The following SLC9A6 variants were observed in gnomAD, a reference collection of about 807,000 sequenced individuals.
SLC9A6 encodes solute carrier family 9 member A6.
Under a neutral mutation model 45.3 loss-of-function variants are expected in SLC9A6, and 6 were observed. The ratio of observed to expected loss-of-function variants is 0.13; its 90% confidence interval spans 0.07 to 0.26. The LOEUF is 0.26. SLC9A6 is among the 10% of genes least tolerant of loss of function. SLC9A6 has a pLI of 1.00. For missense variants in SLC9A6, 278 were observed against 503.7 expected (o/e 0.55, Z 4.29); for synonymous variants, 191 against 187.7 (o/e 1.02, Z -0.14).
At chrX:136,027,921 A>G (rs1224917761) in intron 13 of SLC9A6, among the ~76,000 whole-genome samples, 4 of 112,402 alleles carry the variant, frequency 3.6e-5, no homozygotes, top group Non-Finnish European at 7.5e-5. Context: ...ATAGTTTGTG[A>G]CAGTCACATT....
At chrX:135,993,514 G>T (rs1448044561) in intron 2 of SLC9A6, among the ~76,000 whole-genome samples, 1 of 112,042 alleles carries the variant, frequency 8.9e-6, no homozygotes, top group East Asian at 2.8e-4. Flanking sequence ...GGCTGGGCAT[G>T]GTGGCTCAGG....
rs1208224008 is a variant in SLC9A6 at position 135,997,950 on chromosome X, G to C, written c.370-158G>C. On this transcript the variant is annotated intron_variant, in intron 3 of 17. Transcript: ENST00000630721. ...CTCCTGGTCGTTTGGTTGAGAAGTA[G>C]AATAGAAACTATCCTATATGAAATA... Among the ~76,000 whole-genome samples the C allele has an allele frequency of 4.5e-5, 5 of 112,129 alleles. No homozygotes were observed. The South Asian group carries it at 1.9e-3, about 42-fold the overall frequency.
At chrX:135,999,072 AC>A in intron 6 of SLC9A6, 104 bp downstream of exon 6, 1 of 570,443 alleles carries the variant, frequency 1.8e-6, no homozygotes, top group Non-Finnish European at 3.1e-6. Context: ...ATGATTAGAT[AC>A]TTCCTTAGTA....
intron 16 of SLC9A6, among the ~76,000 whole-genome samples, chrX:136,039,173 T>C (rs1389972601): frequency 1.8e-5 from 2 of 108,987 alleles, no homozygotes; most frequent in African/African-American, 6.7e-5. Context: ...AGACCAGCCC[T>C]AGCAACATAG....
intron 16 of SLC9A6, among the ~76,000 whole-genome samples, chrX:136,039,185 G>A (rs190935849): frequency 5.3e-4 from 58 of 108,802 alleles, no homozygotes; most frequent in Admixed American, 1.6e-3. Flanking sequence ...GCAACATAGC[G>A]AGACCCTGTC....
rs1056859396 is a variant in SLC9A6 at position 136,046,932 on chromosome X, A to G, written c.*2208A>G. 1.8e-5 allele frequency: 2 copies of G among 112,748 alleles called. No homozygotes were observed. Among genetic ancestry groups the G allele is most frequent in the African/African-American group, 3.2e-5 (1 of 30,979 alleles). The allele number at this position is 112,748 out of a possible 1,213,427, so 9.3% of individuals were successfully genotyped here. A position where few individuals can be genotyped will look rare whatever the true frequency, so the allele number is the denominator to read the frequency against. ...GAACCTACGCGTTTGAATGGCTTGAACGTTGCATCTTTTAAAGTTATTTTT... is the reference window on the plus strand; with the variant it reads ...GAACCTACGCGTTTGAATGGCTTGAGCGTTGCATCTTTTAAAGTTATTTTT... On this transcript the variant is annotated 3_prime_UTR_variant, in exon 18 of 18. Coordinates refer to ENST00000630721, the MANE Select transcript of SLC9A6 (RefSeq NM_001379110.1).
intron 2 of SLC9A6, among the ~76,000 whole-genome samples, chrX:135,992,778 A>G (rs1434887490): frequency 9.0e-6 from 1 of 111,668 alleles, no homozygotes; most frequent in Non-Finnish European, 1.9e-5. Flanking sequence ...ATATAGCATT[A>G]TGATTGTTTA....
chrX:136,022,433 G>C (rs2071142753), intron 11 of SLC9A6, among the ~76,000 whole-genome samples, 153 bp from the exon 12 acceptor site: 1 of 111,918 alleles, frequency 8.9e-6, no homozygotes, highest in East Asian at 2.8e-4. Flanking sequence ...ATTGCAGAAA[G>C]TTCTGTTGGA....
At position 135,985,679 on chromosome X, in the gene SLC9A6, C is replaced by T. The variant is rs782404803; in HGVS notation, c.21C>T (p.Ser7=). The change falls in exon 2 of 18, where the codon TCC becomes TCT. Residue 7 remains serine (S), a synonymous_variant. Transcript: ENST00000630721. MDEEIV[S]EKQAEESHRQ... ...GAGCCATGGACGAGGAGATCGTGTC[C>T]GAGAAGCAAGCCGAGGAGAGCCACC... 1 of 1,211,787 alleles carries T rather than the reference C, an allele frequency of 8.3e-7. No homozygotes were observed. The highest frequency in any genetic ancestry group is 1.1e-6 in the Non-Finnish European group (1 of 895,479).
intron 14 of SLC9A6, 152 bp from the exon 15 acceptor site, chrX:136,029,980 A>G: frequency 1.8e-6 from 1 of 549,735 alleles, no homozygotes; most frequent in African/African-American, 2.3e-5. Context: ...GCAGGAGCCA[A>G]AAATCTGCAT....
At chrX:135,989,533 G>C (rs1390756235) in intron 2 of SLC9A6, among the ~76,000 whole-genome samples, 1 of 112,381 alleles carries the variant, frequency 8.9e-6, no homozygotes, top group Admixed American at 9.5e-5. Context: ...AGAAATACAT[G>C]TTTGAGCCAC....
intron 11 of SLC9A6, among the ~76,000 whole-genome samples, chrX:136,019,591 AG>A (rs1402175404): frequency 8.9e-6 from 1 of 112,462 alleles, no homozygotes; most frequent in Non-Finnish European, 1.9e-5. Flanking sequence ...TTTTCTTTTT[AG>A]GGAATCACTT....
intron 7 of SLC9A6, among the ~76,000 whole-genome samples, chrX:136,004,013 C>G (rs1441514744): frequency 9.4e-6 from 1 of 106,454 alleles, no homozygotes; most frequent in Admixed American, 1.0e-4. Context: ...ATACATGTTA[C>G]TATAAGGTGT....
intron 14 of SLC9A6, 110 bp from the exon 15 acceptor site, chrX:136,030,022 C>T: frequency 1.3e-6 from 1 of 758,264 alleles, no homozygotes; most frequent in Admixed American, 2.3e-5. Context: ...AAAACATTAA[C>T]CATTCCATAG....
intron 7 of SLC9A6, chrX:136,010,234 CG>C: frequency 2.9e-6 from 1 of 345,771 alleles, no homozygotes; most frequent in Non-Finnish European, 5.2e-6. Context: ...ACCCCCCCCC[CG>C]AAATTAACAT....
At chrX:136,008,496 C>T (rs931311249) in intron 7 of SLC9A6, among the ~76,000 whole-genome samples, 6 of 112,289 alleles carry the variant, frequency 5.3e-5, no homozygotes, top group Non-Finnish European at 1.1e-4. Context: ...CTGCCTCGGC[C>T]TCCCAAAGTG....
rs370054765 is a variant in SLC9A6, at chrX:135,985,751, C to T, written c.93C>T (p.Leu31=). ...TCATCTTCATCCTGCTGCTCACCCT[C>T]ACCATTCTCACAATCTGGCTCTTCA... ...NLLIFILLLT[L]TILTIWLFKH... Residue 31 remains leucine, a synonymous_variant, in exon 2 of 18, where the codon CTC becomes CTT. Coordinates refer to ENST00000630721, the MANE Select transcript of SLC9A6 (RefSeq NM_001379110.1). 1 of 1,211,684 alleles carries T rather than the reference C, an allele frequency of 8.3e-7. No individual in the cohort carries two copies. The highest frequency in any genetic ancestry group is 1.1e-6 in the Non-Finnish European group (1 of 895,418).
Position 136,033,444 on chromosome X carries a change from A to G in SLC9A6, c.1612A>G (p.Lys538Glu). The G allele has an allele frequency of 8.4e-7, 1 of 1,186,673 alleles. No homozygotes were observed. The highest frequency in any genetic ancestry group is 1.1e-6 in the Non-Finnish European group (1 of 877,052). ...GVPENERRTT[K>E]AESAWLFRMW... Reference sequence around the variant, plus strand: ...TCCTGAAAATGAAAGGAGAACTACCAAAGCAGAGAGTGCTTGGCTTTTCCG... The same window carrying G: ...TCCTGAAAATGAAAGGAGAACTACCGAAGCAGAGAGTGCTTGGCTTTTCCG... Residue 538 changes from lysine (K) to glutamate (E), a missense_variant, in exon 16 of 18, where the codon AAA becomes GAA. This residue lies in a region of SLC9A6 where 91 missense variants were observed against 125.1 expected (regional missense o/e 0.73). Coordinates refer to ENST00000630721, the MANE Select transcript of SLC9A6 (RefSeq NM_001379110.1).
intron 2 of SLC9A6, among the ~76,000 whole-genome samples, chrX:135,987,049 C>T (rs1284428665): frequency 9.0e-6 from 1 of 111,331 alleles, no homozygotes; most frequent in Non-Finnish European, 1.9e-5. Context: ...ATGTGCATCT[C>T]TCAAGGATAG....
Sources: allele counts gnomAD v4.1 joint callset (sites outside exome capture counted in the v4.1 genomes callset), GRCh38; gene constraint gnomAD v4.1.1; regional missense constraint gnomAD v4.1.1; transcripts MANE v1.5; gene names NCBI Gene and HGNC (gene_info 2026-07-23, HGNC 2026-07-21).